Variants in DNAH14 observed in about 807,000 individuals in gnomAD.
DNAH14 encodes the protein axonemal beta dynein heavy chain 14.
Under a neutral mutation model 520.9 loss-of-function variants are expected in DNAH14, and 478 were observed. That is an observed-to-expected ratio of 0.92 (90% CI 0.85 to 0.99). The LOEUF (loss-of-function observed/expected upper bound fraction) is 0.99. Ranked by LOEUF, DNAH14 falls within the 50% of genes least tolerant of loss-of-function variation. The pLI is 0.00. For synonymous variants in DNAH14, 1,581 were observed against 1,757.2 expected, an observed-to-expected ratio of 0.90 and a Z score of 2.51; for missense variants, 4,831 against 5,234.5, an observed-to-expected ratio of 0.92 and a Z score of 2.38.
intron 11 of DNAH14, chr1:225,024,470 T>G (rs1026490042): frequency 1.3e-5 from 2 of 156,696 alleles, no homozygotes; most frequent in African/African-American, 4.8e-5. Context: ...AATGATGGCA[T>G]ACTTTGTAGC....
At chr1:225,340,246 T>C (rs2095151069) in intron 68 of DNAH14, among the ~76,000 whole-genome samples, 1 of 152,186 alleles carries the variant, frequency 6.6e-6, no homozygotes, top group Non-Finnish European at 1.5e-5. Context: ...CTAAACATAG[T>C]ATGTACACAG....
At chr1:225,167,888 AAG>A in intron 35 of DNAH14, 49 bp from the exon 36 acceptor site, 1 of 1,059,430 alleles carries the variant, frequency 9.4e-7, no homozygotes, top group South Asian at 1.7e-5. Flanking sequence ...ATAAAAATTT[AAG>A]AGTTTCATTT....
chr1:225,266,865 T>TA, intron 49 of DNAH14, 96 bp downstream of exon 49: 1 of 1,243,672 alleles, frequency 8.0e-7, no homozygotes, highest in South Asian at 1.7e-5. Context: ...TTGAGAAAGT[T>TA]AGAAATTCTG....
intron 49 of DNAH14, among the ~76,000 whole-genome samples, chr1:225,270,035 C>T (rs2093264990): frequency 1.3e-5 from 2 of 152,052 alleles, no homozygotes; most frequent in African/African-American, 2.4e-5. Context: ...ATGTTTATTG[C>T]AGCACTATTC....
chr1:225,367,490 T>G (rs941621357), intron 76 of DNAH14, among the ~76,000 whole-genome samples: 1 of 152,190 alleles, frequency 6.6e-6, no homozygotes, highest in Non-Finnish European at 1.5e-5. Context: ...AAGTTTAGGC[T>G]CTCATAACTC....
chr1:225,193,036 T>C, intron 38 of DNAH14, 125 bp downstream of exon 38: 1 of 748,354 alleles, frequency 1.3e-6, no homozygotes, highest in East Asian at 2.9e-5. Flanking sequence ...TAAAATCTTA[T>C]GAATAGTTTT....
rs2081472878 is a variant in DNAH14 at position 225,161,137 on chromosome 1, A to C, written c.5445+1652A>C. On this transcript the variant is annotated intron_variant, in intron 35 of 85. Transcript: ENST00000682510. ...TCTTATTCATTCTATTTTTTTGTGC[A>C]CATTAACCATCCCCACTTTCCTCCC... 2.6e-5 allele frequency among the ~76,000 whole-genome samples: 4 copies of C among 151,976 alleles called. No homozygotes were observed. The South Asian group carries it at 8.3e-4, about 31-fold the overall frequency.
rs772298303 is a variant in DNAH14, at chr1:225,051,617, G to C, written c.2246G>C (p.Arg749Thr). Residue 749 changes from arginine to threonine, a missense_variant, in exon 17 of 86, where the codon AGA becomes ACA. By Grantham distance (71) the Arg-to-Thr change is moderately conservative. Transcript: ENST00000682510. ...TSKEFEAILNRFRNYFRHIVN... is the reference protein window; with the variant it reads ...TSKEFEAILNTFRNYFRHIVN... ...AAAGAATTTGAAGCTATTCTAAATA[G>C]ATTCAGAAACTATTTTAGACATATT... 6.4e-7 allele frequency: 1 copy of C among 1,550,850 alleles called. No homozygotes were observed. The highest frequency in any genetic ancestry group is 8.7e-7 in the Non-Finnish European group (1 of 1,146,538).
chr1:225,225,304 A>AT (rs1194194716), intron 41 of DNAH14, among the ~76,000 whole-genome samples: 1 of 152,216 alleles, frequency 6.6e-6, no homozygotes, highest in Admixed American at 6.5e-5. Context: ...ATGTACATGT[A>AT]TTCATTGATA....
Position 225,300,933 on chromosome 1 carries a change from A to G in DNAH14, c.8534A>G (p.Asn2845Ser). ...GGAAGAATACCTGACCTGTTTGAAA[A>G]TGTTGAGCTGGATTCTATTGCAATG... ...SSGRIPDLFE[N>S]VELDSIAMKI... The change falls in exon 56 of 86, where the codon AAT becomes AGT. Residue 2845 changes from asparagine (N) to serine (S), a missense_variant. Coordinates refer to ENST00000682510, the MANE Select transcript of DNAH14 (RefSeq NM_001367479.1). 1 of 1,551,472 alleles carries G rather than the reference A, an allele frequency of 6.4e-7. No homozygotes were observed. The highest frequency in any genetic ancestry group is 8.7e-7 in the Non-Finnish European group (1 of 1,146,888).
intron 54 of DNAH14, among the ~76,000 whole-genome samples, chr1:225,284,159 G>T (rs2093686810): frequency 6.6e-6 from 1 of 151,880 alleles, no homozygotes; most frequent in Non-Finnish European, 1.5e-5. Flanking sequence ...AAAGATTAGA[G>T]AAGAAAGTAG....
chr1:225,279,207 A>G (rs1183545723), intron 54 of DNAH14, among the ~76,000 whole-genome samples: 7 of 152,114 alleles, frequency 4.6e-5, no homozygotes, highest in Non-Finnish European at 7.4e-5. Context: ...GGGTTTCACC[A>G]TGTTGGGCAG....
intron 28 of DNAH14, among the ~76,000 whole-genome samples, 158 bp downstream of exon 28, chr1:225,141,179 C>T (rs977088791): frequency 3.3e-5 from 5 of 151,938 alleles, no homozygotes; most frequent in African/African-American, 1.2e-4. Context: ...TATATTAGTC[C>T]CCCTTTATCT....
At chr1:224,939,788 A>T (rs1371905666) in intron 1 of DNAH14, among the ~76,000 whole-genome samples, 1 of 152,216 alleles carries the variant, frequency 6.6e-6, no homozygotes, top group Non-Finnish European at 1.5e-5. Context: ...TTTATCTGTG[A>T]ACCTCTTTGA....
At chr1:225,335,574 CGCATATGTGCAT>C (rs1213412430) in intron 66 of DNAH14, among the ~76,000 whole-genome samples, 2 of 52,856 alleles carry the variant, frequency 3.8e-5, no homozygotes, top group Non-Finnish European at 6.6e-5. Context: ...TATGTATATA[CGCATATGTGCAT>C]ATATGTATAT....
rs577475305 is a variant in DNAH14, at chr1:225,185,346, G to A, written c.5591G>A (p.Arg1864Lys). Residue 1864 changes from arginine to lysine, a missense_variant, in exon 37 of 86, where the codon AGA becomes AAA. By Grantham distance (26) the Arg-to-Lys change is conservative. Transcript: ENST00000682510. Reference sequence around the variant, plus strand: ...ACAGGTGGAGGAAAGACAACAGTCAGAAGAATTTTGGAAAAAGCATTAACG... The same window carrying A: ...ACAGGTGGAGGAAAGACAACAGTCAAAAGAATTTTGGAAAAAGCATTAACG... The part of the protein sequence containing the change: ...GPTGGGKTTV[R>K]RILEKALTLL... 3 of 1,547,904 alleles carry A rather than the reference G, an allele frequency of 1.9e-6. No homozygotes were observed. The South Asian group carries it at 3.6e-5, about 19-fold the overall frequency.
intron 23 of DNAH14, among the ~76,000 whole-genome samples, chr1:225,103,782 G>A (rs1250789263): frequency 6.6e-6 from 1 of 152,162 alleles, no homozygotes. Context: ...AGCTTAAGGA[G>A]ATTTTGGGCT....
chr1:225,086,233 C>T (rs563909153), intron 21 of DNAH14, among the ~76,000 whole-genome samples: 15 of 151,814 alleles, frequency 9.9e-5, no homozygotes, highest in Admixed American at 3.9e-4. Flanking sequence ...CCTGGGTTCA[C>T]GCCATTCTCC....
At chr1:225,128,331 C>T (rs1254482390) in intron 27 of DNAH14, among the ~76,000 whole-genome samples, 1 of 152,124 alleles carries the variant, frequency 6.6e-6, no homozygotes, top group East Asian at 1.9e-4. Flanking sequence ...CCAGCATCAT[C>T]CTGATACCAA....
Sources: allele counts gnomAD v4.1 joint callset (sites outside exome capture counted in the v4.1 genomes callset), GRCh38; gene constraint gnomAD v4.1.1; transcripts MANE v1.5; gene names NCBI Gene and HGNC (gene_info 2026-07-23, HGNC 2026-07-21).